The following KAZN variants were observed in gnomAD, a reference collection of about 807,000 sequenced individuals.
KAZN encodes the protein kazrin.
In KAZN, 40 loss-of-function variants were observed where a neutral mutation model predicts 87.4. The ratio of observed to expected loss-of-function variants is 0.46; its 90% CI spans 0.36 to 0.60. The LOEUF is 0.60. Among genes scored for constraint, KAZN ranks in the 20% least tolerant of loss-of-function variants. The pLI is 0.00. For missense variants in KAZN, 898 were observed against 1,073.9 expected (o/e 0.84, Z 2.29); for synonymous variants, 466 against 458.3 (o/e 1.02, Z -0.22).
rs1172256461 is a variant in KAZN, at chr1:15,021,603, G to C, written c.419-13146G>C. Among the ~76,000 whole-genome samples, 2 of 152,182 alleles carry C rather than the reference G, an allele frequency of 1.3e-5. No individual in the cohort carries two copies. Among genetic ancestry groups the C allele is most frequent in the Non-Finnish European group, 2.9e-5 (2 of 68,034 alleles). On this transcript the variant is annotated intron_variant, in intron 2 of 14. Transcript: ENST00000376030. This position sits in a 1 kb window ranked among gnomAD's most constrained non-coding sequence, Gnocchi z 4.2. ...CCCTCCGCCCTCCTGGCTTCCAGGT[G>C]ACCTCTGAGCTCTTCCAGGGGCAGT...
intron 2 of KAZN, among the ~76,000 whole-genome samples, chr1:14,529,369 A>G (rs988442070): frequency 6.6e-6 from 1 of 152,240 alleles, no homozygotes; most frequent in African/African-American, 2.4e-5. Context: ...CAATGGAAGC[A>G]TCATGTGTCT....
At chr1:14,572,087 C>T (rs528255863) in intron 2 of KAZN, among the ~76,000 whole-genome samples, 130 of 152,302 alleles carry the variant, frequency 8.5e-4, no homozygotes, top group African/African-American at 2.9e-3. Flanking sequence ...TTCCCACCGC[C>T]GCTCTGGGAT....
At chr1:15,085,695 A>G (rs1416046899) in intron 8 of KAZN, among the ~76,000 whole-genome samples, 1 of 152,246 alleles carries the variant, frequency 6.6e-6, no homozygotes, top group Admixed American at 6.5e-5. Context: ...AGTGAAGGTT[A>G]TAGCAGATTT....
intron 1 of KAZN, among the ~76,000 whole-genome samples, chr1:14,890,138 A>G (rs969724874): frequency 6.6e-6 from 1 of 152,222 alleles, no homozygotes; most frequent in Admixed American, 6.5e-5. Context: ...GAACTTGCTG[A>G]ACAGTCGCCT....
intron 2 of KAZN, among the ~76,000 whole-genome samples, chr1:14,410,736 A>G (rs903555853): frequency 7.9e-5 from 12 of 152,236 alleles, no homozygotes; most frequent in African/African-American, 2.7e-4. Context: ...AATGTGAAAG[A>G]GAACCCTGGA....
chr1:15,101,847 C>A, intron 11 of KAZN, 73 bp downstream of exon 11: 1 of 965,080 alleles, frequency 1.0e-6, no homozygotes, highest in Non-Finnish European at 1.6e-6. Context: ...ACTGTCTGTT[C>A]ATCTGTCCAC....
At chr1:14,128,292 G>A (rs1644916543) in intron 1 of KAZN, among the ~76,000 whole-genome samples, 1 of 152,116 alleles carries the variant, frequency 6.6e-6, no homozygotes, top group African/African-American at 2.4e-5. Flanking sequence ...GGGCAGCCAA[G>A]TGGGGAGATC....
chr1:14,084,756 C>T lies in KAZN; in HGVS notation c.92-95679C>T, dbSNP rs564652377. On this transcript the variant is annotated intron_variant, in intron 1 of 16. Transcript: ENST00000636203. ...GGGTGGGGGGAGGGGAGAGGGATAG[C>T]ATTAGGAGATATACCTAATGTTAAA... Among the ~76,000 whole-genome samples the T allele has an allele frequency of 7.3e-4, 111 of 151,496 alleles. 1 individual carries two copies. The highest frequency in any genetic ancestry group is 9.0e-4 in the Non-Finnish European group (61 of 67,894).
In KAZN at chr1:14,306,971, G is replaced by A. The variant is rs188248067; in HGVS notation, c.249+126379G>A. Among the ~76,000 whole-genome samples the A allele has an allele frequency of 3.9e-5, 6 of 152,268 alleles. No homozygotes were observed. In the East Asian group the frequency reaches 1.2e-3, roughly 29 times the overall value. On this transcript the variant is annotated intron_variant, in intron 2 of 16. Transcript: ENST00000636203. ...CCCCAATCTTTCCATTTTATTTGATGTCATGAGTGACGTCCAATTCTACCA... is the reference window on the plus strand; with the variant it reads ...CCCCAATCTTTCCATTTTATTTGATATCATGAGTGACGTCCAATTCTACCA...
Position 14,649,254 on chromosome 1 carries a change from G to T in KAZN, c.226+50031G>T, listed in dbSNP as rs560332870. On this transcript the variant is annotated intron_variant, in intron 1 of 14. Coordinates refer to ENST00000376030, the MANE Select transcript of KAZN (RefSeq NM_201628.3). ...CAGAAGGCCGAATCCACATACCATT[G>T]ATAGAGAACTTGCTTTATGCCAGGA... 2.6e-5 allele frequency among the ~76,000 whole-genome samples: 4 copies of T among 152,330 alleles called. No individual in the cohort carries two copies. In the South Asian group the frequency reaches 8.3e-4, roughly 32 times the overall value.
intron 1 of KAZN, among the ~76,000 whole-genome samples, chr1:14,149,986 G>T (rs1050662841): frequency 1.8e-4 from 28 of 152,140 alleles, no homozygotes; most frequent in Non-Finnish European, 2.9e-5. Flanking sequence ...TGGTGATACC[G>T]ACAGTCATAC....
intron 2 of KAZN, among the ~76,000 whole-genome samples, chr1:14,527,284 C>T (rs1219928955): frequency 2.6e-5 from 4 of 152,158 alleles, no homozygotes; most frequent in East Asian, 3.9e-4. Context: ...GGCGCTGTGG[C>T]TTACGCCTGT....
Position 14,138,081 on chromosome 1 carries a change from C to CTGTGTGTGTGTG in KAZN, c.92-42354_92-42353insTGTGTGTGTGTG, listed in dbSNP as rs144840101. ...AAATGTTAGCATTAAATAAATGTTA[C>CTGTGTGTGTGTG]AGTGTGTGTGTGTGTGTGTGTGTGT... is the stretch of plus-strand genomic sequence containing the variant. On this transcript the variant is annotated intron_variant, in intron 1 of 16. Coordinates refer to the KAZN transcript ENST00000636203. Among the ~76,000 whole-genome samples the CTGTGTGTGTGTG allele has an allele frequency of 9.2e-4, 123 of 134,130 alleles. 1 individual carries two copies. The highest frequency in any genetic ancestry group is 3.5e-3 in the African/African-American group (116 of 32,980). 88.0% of individuals were successfully genotyped at this position (134,130 alleles called of 152,430 possible). A position where few individuals can be genotyped will look rare whatever the true frequency, so the allele number is the denominator to read the frequency against.
chr1:14,428,177 T>C (rs546640478), intron 2 of KAZN, among the ~76,000 whole-genome samples: 2 of 152,356 alleles, frequency 1.3e-5, no homozygotes, highest in East Asian at 3.9e-4. Flanking sequence ...AGTTAGCACA[T>C]TCTCTGCTCT....
chr1:14,619,237 G>A (rs901330036), intron 1 of KAZN, among the ~76,000 whole-genome samples: 5 of 150,680 alleles, frequency 3.3e-5, no homozygotes, highest in Admixed American at 3.3e-4. Flanking sequence ...TTACTCTCTT[G>A]CCTGGGCTCA....
intron 1 of KAZN, among the ~76,000 whole-genome samples, chr1:14,889,685 C>A (rs1654489212): frequency 6.6e-6 from 1 of 152,222 alleles, no homozygotes; most frequent in Admixed American, 6.5e-5. Context: ...CAGGCCAAAT[C>A]CAGCCCACCA....
chr1:14,176,642 G>A (rs113351739), intron 1 of KAZN, among the ~76,000 whole-genome samples: 3 of 152,272 alleles, frequency 2.0e-5, no homozygotes, highest in African/African-American at 7.2e-5. Context: ...GTCTTCCCAT[G>A]CAACGAGGCA....
chr1:14,983,489 C>T (rs555029940), intron 2 of KAZN, among the ~76,000 whole-genome samples: 43 of 151,974 alleles, frequency 2.8e-4, no homozygotes, highest in African/African-American at 9.7e-4. Context: ...CACCTGTGGT[C>T]GGTGGAAATG....
At chr1:13,906,417 T>C (rs761437270) in intron 1 of KAZN, among the ~76,000 whole-genome samples, 2 of 152,176 alleles carry the variant, frequency 1.3e-5, no homozygotes, top group Middle Eastern at 3.4e-3. Flanking sequence ...GAGTTGGAGA[T>C]GTTGAGGCGT....
Sources: allele counts gnomAD v4.1 joint callset (sites outside exome capture counted in the v4.1 genomes callset), GRCh38; gene constraint gnomAD v4.1.1; non-coding constraint Gnocchi (gnomAD v3.1); transcripts MANE v1.5; gene names NCBI Gene and HGNC (gene_info 2026-07-23, HGNC 2026-07-21).